Variants in PHF20L1 observed in about 807,000 individuals in gnomAD.
PHF20L1 encodes PHD finger protein 20-like protein 1.
A neutral mutation model predicts 125.5 loss-of-function variants in PHF20L1; 44 were observed. The ratio of observed to expected loss-of-function variants is 0.35; its 90% CI spans 0.28 to 0.45. The LOEUF (loss-of-function observed/expected upper bound fraction) is 0.45. PHF20L1 is among the 20% of genes least tolerant of loss of function. PHF20L1 has a pLI of 1.00. For synonymous variants in PHF20L1, 380 were observed against 403.1 expected (o/e 0.94, Z 0.69); for missense variants, 1,012 against 1,217.2 (o/e 0.83, Z 2.51).
At chr8:132,818,674 CTT>C (rs2131707058) in intron 12 of PHF20L1, 1 of 151,850 alleles carries the variant, frequency 6.6e-6, no homozygotes, top group East Asian at 1.9e-4. Flanking sequence ...GATCTATTGT[CTT>C]TTGACTCTTG....
At position 132,803,989 on chromosome 8, in the gene PHF20L1, C is replaced by A; in HGVS notation, c.678C>A (p.Asp226Glu). Reference sequence around the variant, plus strand: ...CTTCAACTTGTATAGCCACACCAGACGTAGAGAAGAAGGAAGATCTGCCTA... The same window carrying A: ...CTTCAACTTGTATAGCCACACCAGAAGTAGAGAAGAAGGAAGATCTGCCTA... ...EETSTCIATP[D>E]VEKKEDLPTS... The change falls in exon 7 of 21, where the codon GAC becomes GAA. Residue 226 changes from aspartate (D) to glutamate (E), a missense_variant. Around this residue, in one of 7 missense-constraint regions of PHF20L1, gnomAD observed 134 missense variants for 145.9 expected, o/e 0.92. Transcript: ENST00000395386. 1.2e-6 allele frequency: 2 copies of A among 1,611,898 alleles called. No individual in the cohort carries two copies. The highest frequency in any genetic ancestry group is 1.7e-6 in the Non-Finnish European group (2 of 1,178,418).
chr8:132,835,413 T>A (rs1224512406), intron 15 of PHF20L1, among the ~76,000 whole-genome samples: 1 of 152,120 alleles, frequency 6.6e-6, no homozygotes, highest in Non-Finnish European at 1.5e-5. Context: ...CTAACATTTC[T>A]CCATCCAAAC....
intron 14 of PHF20L1, among the ~76,000 whole-genome samples, chr8:132,825,771 C>T (rs1490436692): frequency 6.6e-6 from 1 of 152,004 alleles, no homozygotes; most frequent in Non-Finnish European, 1.5e-5. Flanking sequence ...AATTTGGTAT[C>T]AGCAAAGGCC....
intron 14 of PHF20L1, among the ~76,000 whole-genome samples, chr8:132,825,840 C>T (rs1836116877): frequency 3.3e-5 from 5 of 152,012 alleles, no homozygotes; most frequent in Admixed American, 3.3e-4. Context: ...GCCAGAGGAA[C>T]AAGAAGCTGC....
rs185963677 is a variant in PHF20L1 at position 132,820,881 on chromosome 8, T to C, written c.1580-3123T>C. On this transcript the variant is annotated intron_variant, in intron 12 of 20. Coordinates refer to ENST00000395386, the MANE Select transcript of PHF20L1 (RefSeq NM_016018.5). The stretch of plus-strand genomic sequence containing the variant: ...AATTGGCATTAGTAGGTTGTATGCA[T>C]ATAATTTTGAGCCATTTTAAAAAGT... Among the ~76,000 whole-genome samples, 470 of 152,160 alleles carry C rather than the reference T, an allele frequency of 3.1e-3. 1 individual carries two copies. Among genetic ancestry groups the C allele is most frequent in the Non-Finnish European group, 4.9e-3 (335 of 67,954 alleles).
chr8:132,845,055 C>G (rs746712286), intron 20 of PHF20L1, among the ~76,000 whole-genome samples: 3 of 151,848 alleles, frequency 2.0e-5, no homozygotes, highest in Non-Finnish European at 4.4e-5. Flanking sequence ...AAATGGAAAC[C>G]CATTTTAGAA....
Position 132,843,605 on chromosome 8 carries a change from TTGTGTG to T in PHF20L1, c.2749-522_2749-517del, listed in dbSNP as rs71299034. 3.0e-4 allele frequency: 283 copies of T among 948,764 alleles called. 1 individual carries two copies. In the South Asian group the frequency reaches 7.1e-3, roughly 24 times the overall value. 58.8% of individuals were successfully genotyped at this position (948,764 alleles called of 1,614,324 possible). ...TATCTCTGGCAAATCCAAACGCACA[TTGTGTG>T]TGTGTGTGTGTGTGTGTGTGTGTGT... On this transcript the variant is annotated intron_variant, in intron 19 of 20. Coordinates refer to ENST00000395386, the MANE Select transcript of PHF20L1 (RefSeq NM_016018.5).
intron 2 of PHF20L1, among the ~76,000 whole-genome samples, chr8:132,778,668 A>G (rs1586830949): frequency 6.6e-6 from 1 of 152,216 alleles, no homozygotes; most frequent in African/African-American, 2.4e-5. Context: ...GGGCCAGAGT[A>G]GGAATGAGGA....
intron 17 of PHF20L1, 58 bp downstream of exon 17, chr8:132,837,869 C>G: frequency 8.4e-7 from 1 of 1,187,432 alleles, no homozygotes; most frequent in Admixed American, 1.7e-5. Flanking sequence ...CTCCAGGATT[C>G]CAGAGTGTAT....
chr8:132,786,678 T>C (rs1403450150), intron 2 of PHF20L1, among the ~76,000 whole-genome samples: 2 of 152,086 alleles, frequency 1.3e-5, no homozygotes, highest in East Asian at 3.8e-4. Context: ...ATTACCTCTT[T>C]TAACATGAGC....
chr8:132,778,211 G>A (rs1354896687), intron 2 of PHF20L1, among the ~76,000 whole-genome samples: 4 of 152,198 alleles, frequency 2.6e-5, no homozygotes, highest in African/African-American at 9.7e-5. Flanking sequence ...CACATGAGCT[G>A]TATTGGTGGA....
At chr8:132,810,987 A>C (rs952253385) in intron 8 of PHF20L1, 59 bp from the exon 9 acceptor site, 11 of 1,036,234 alleles carry the variant, frequency 1.1e-5, no homozygotes, top group Non-Finnish European at 1.7e-5. Flanking sequence ...TTGCAAAGTT[A>C]ATTAGGGTGT....
chr8:132,843,904 G>A (rs1352442157), intron 19 of PHF20L1: 24 of 985,076 alleles, frequency 2.4e-5, no homozygotes, highest in Admixed American at 6.2e-5. Context: ...TTTATTTAGC[G>A]CATTTTATTG....
Position 132,832,372 on chromosome 8 carries a change from A to T in PHF20L1, c.1882A>T (p.Ile628Phe). 3.1e-6 allele frequency: 5 copies of T among 1,612,122 alleles called. No individual in the cohort carries two copies. Among genetic ancestry groups the T allele is most frequent in the Non-Finnish European group, 3.4e-6 (4 of 1,178,618 alleles). Residue 628 changes from isoleucine (I) to phenylalanine (F), a missense_variant, in exon 15 of 21, where the codon ATT (isoleucine) becomes TTT (phenylalanine). Physicochemically the swap from Ile to Phe is conservative, Grantham distance 21. This residue lies in a region of PHF20L1 where 320 missense variants were observed against 293.8 expected (regional missense o/e 1.09). Coordinates refer to ENST00000395386, the MANE Select transcript of PHF20L1 (RefSeq NM_016018.5). The part of the protein sequence containing the change: ...KTTTYQYPRA[I>F]LSVDLSGENL... ...TACAACCTATCAGTACCCAAGGGCA[A>T]TTCTATCCGTTGATCTTAGTGGTGA...
intron 12 of PHF20L1, among the ~76,000 whole-genome samples, chr8:132,819,122 G>A (rs1310746879): frequency 6.6e-6 from 1 of 151,820 alleles, no homozygotes; most frequent in Non-Finnish European, 1.5e-5. Flanking sequence ...GTGGCAATGT[G>A]GCTGACTACC....
chr8:132,838,195 TTATC>T (rs1359199151), intron 17 of PHF20L1: 1 of 175,774 alleles, frequency 5.7e-6, no homozygotes, highest in Non-Finnish European at 1.2e-5. Context: ...TAGCATATAT[TTATC>T]AACAAAATTA....
chr8:132,848,163 G>T lies in PHF20L1; in HGVS notation c.*2240G>T, dbSNP rs1332809855. The T allele has an allele frequency of 6.6e-6, 1 of 151,940 alleles. No individual in the cohort carries two copies. Among genetic ancestry groups the T allele is most frequent in the African/African-American group, 2.4e-5 (1 of 41,402 alleles). 9.4% of individuals were successfully genotyped at this position (151,940 alleles called of 1,614,324 possible). On this transcript the variant is annotated 3_prime_UTR_variant, in exon 21 of 21. Coordinates refer to ENST00000395386, the MANE Select transcript of PHF20L1 (RefSeq NM_016018.5). ...TTGTTCTTGTAGTTTCTAAAAATTA[G>T]ATCAATTTATTTGTTAGCCAGCAAA...
chr8:132,811,637 G>T (rs1834403674), intron 9 of PHF20L1: 1 of 983,674 alleles, frequency 1.0e-6, no homozygotes, highest in African/African-American at 1.7e-5. Context: ...ACTATTAAGG[G>T]TCTGTCTTTA....
At chr8:132,796,583 A>G (rs1362704977) in intron 4 of PHF20L1, among the ~76,000 whole-genome samples, 3 of 152,142 alleles carry the variant, frequency 2.0e-5, no homozygotes, top group Admixed American at 6.6e-5. Context: ...GAATATGGCT[A>G]TGGTTTTCTT....
Sources: gnomAD v4.1 joint callset for allele counts (sites outside exome capture counted in the v4.1 genomes callset) on GRCh38, gnomAD v4.1.1 for gene constraint, gnomAD v4.1.1 regional missense constraint, MANE v1.5 for transcripts, NCBI Gene and HGNC (gene_info 2026-07-23, HGNC 2026-07-21) for gene names.